The following TUBA1B variants were observed in gnomAD, a reference collection of about 807,000 sequenced individuals.
The protein encoded by TUBA1B is tubulin alpha 1b.
In TUBA1B, 1 loss-of-function variant was observed where a neutral mutation model predicts 34.4. The observed-to-expected ratio is 0.03, with a 90% CI of 0.01 to 0.14. The LOEUF is 0.14. Ranked by LOEUF, TUBA1B falls within the 10% of genes least tolerant of loss-of-function variation. TUBA1B has a pLI of 1.00. For synonymous variants in TUBA1B, 197 were observed against 212.5 expected, an observed-to-expected ratio of 0.93 and a Z score of 0.64; for missense variants, 54 against 583.6, an observed-to-expected ratio of 0.09 and a Z score of 9.35.
intron 3 of TUBA1B, 105 bp from the exon 4 acceptor site, chr12:49,129,043 A>C (rs1941772320): frequency 2.0e-6 from 3 of 1,520,128 alleles, no homozygotes; most frequent in East Asian, 4.7e-5. Context: ...TGATGTAAGC[A>C]CAAGGAATTG....
Position 49,131,302 on chromosome 12 carries a change from G to T in TUBA1B, c.-2C>A. The T allele has an allele frequency of 6.2e-7, 1 of 1,611,278 alleles. No individual in the cohort carries two copies. The highest frequency in any genetic ancestry group is 1.1e-5 in the South Asian group (1 of 90,472). On this transcript the variant is annotated 5_prime_UTR_variant, in exon 1 of 4. Coordinates refer to ENST00000336023, the MANE Select transcript of TUBA1B (RefSeq NM_006082.3). ...GGAGCCGCACGGCTTACTCACCATA[G>T]TGGCTAGGGATTAGGAGGCGAAGGC... is the stretch of plus-strand genomic sequence containing the variant.
intron 1 of TUBA1B, chr12:49,131,095 G>T (rs1941801835): frequency 1.8e-6 from 1 of 545,984 alleles, no homozygotes; most frequent in Non-Finnish European, 3.3e-6. Context: ...AAATCCTGGC[G>T]CCCCTCGACC....
rs1460772972 is a variant in TUBA1B, at chr12:49,129,244, G to A, written c.373C>T (p.Leu125=). The A allele has an allele frequency of 6.2e-7, 1 of 1,613,932 alleles. No homozygotes were observed. Among genetic ancestry groups the A allele is most frequent in the African/African-American group, 1.3e-5 (1 of 75,028 alleles). The change falls in exon 3 of 4, where the codon CTG becomes TTG. Residue 125 remains leucine, a splice_region_variant and synonymous_variant. Coordinates refer to ENST00000336023, the MANE Select transcript of TUBA1B (RefSeq NM_006082.3). ...GCATATTTATATGTGGTGCTTACCA[G>A]CTTGCGAATTCGGTCCAACACAAGG... The part of the protein sequence containing the change: ...IDLVLDRIRK[L]ADQCTGLQGF...
rs1941777269 is a variant in TUBA1B at position 49,129,516 on chromosome 12, C to CA, written c.209dup (p.Leu70PhefsTer7). 6.2e-7 allele frequency: 1 copy of CA among 1,614,080 alleles called. No homozygotes were observed. The highest frequency in any genetic ancestry group is 1.3e-5 in the African/African-American group (1 of 74,924). On this transcript the variant is annotated frameshift_variant, in exon 2 of 4. Coordinates refer to ENST00000336023, the MANE Select transcript of TUBA1B (RefSeq NM_006082.3). LOFTEE classifies it high-confidence loss of function. The stretch of plus-strand genomic sequence containing the variant: ...TCAACTCACCAATGACTGTGGGTTC[C>CA]AAGTCTACAAACACAGCCCGGGGCA...
rs371271978 is a variant in TUBA1B, at chr12:49,129,230, T to C, written c.375+12A>G. The C allele has an allele frequency of 3.6e-5, 58 of 1,613,508 alleles. No individual in the cohort carries two copies. The African/African-American group carries it at 6.9e-4, about 19-fold the overall frequency. On this transcript the variant is annotated intron_variant, in intron 3 of 3. Transcript: ENST00000336023. The stretch of plus-strand genomic sequence containing the variant: ...ACACCACATTAAATGCATATTTATA[T>C]GTGGTGCTTACCAGCTTGCGAATTC...
At chr12:49,130,264 C>T (rs1193953263) in intron 1 of TUBA1B, 1 of 1,288,968 alleles carries the variant, frequency 7.8e-7, no homozygotes, top group Non-Finnish European at 1.0e-6. Flanking sequence ...GGTCACATTT[C>T]CGGGCAGCTC....
chr12:49,130,014 C>T (rs1361072370), intron 1 of TUBA1B: 5 of 1,110,416 alleles, frequency 4.5e-6, no homozygotes, highest in Non-Finnish European at 4.8e-6. Flanking sequence ...AATCTGAAAA[C>T]GAATTTCCTT....
chr12:49,130,949 C>T (rs1941798965), intron 1 of TUBA1B: 4 of 221,270 alleles, frequency 1.8e-5, no homozygotes, highest in Non-Finnish European at 3.7e-5. Context: ...CCACCCAAGG[C>T]GGAGTAAGGG....
rs11546629 is a variant in TUBA1B, at chr12:49,129,522, T to A, written c.204A>T (p.Val68=). ...AGKHVPRAVF[V]DLEPTVIDEV... ...CACCAATGACTGTGGGTTCCAAGTCTACAAACACAGCCCGGGGCACGTGCT... is the reference window on the plus strand; with the variant it reads ...CACCAATGACTGTGGGTTCCAAGTCAACAAACACAGCCCGGGGCACGTGCT... The change falls in exon 2 of 4, where the codon GTA becomes GTT. Residue 68 remains valine (V), a synonymous_variant. Transcript: ENST00000336023. 6 of 1,614,112 alleles carry A rather than the reference T, an allele frequency of 3.7e-6. No individual in the cohort carries two copies. The highest frequency in any genetic ancestry group is 4.2e-6 in the Non-Finnish European group (5 of 1,180,048).
chr12:49,131,196 C>G, intron 1 of TUBA1B, 102 bp downstream of exon 1: 1 of 1,474,200 alleles, frequency 6.8e-7, no homozygotes, highest in Non-Finnish European at 9.2e-7. Context: ...ACGGACGGCT[C>G]TGAGGCCAGC....
At chr12:49,130,414 C>T (rs1185129263) in intron 1 of TUBA1B, 3 of 1,238,784 alleles carry the variant, frequency 2.4e-6, no homozygotes, top group Admixed American at 4.6e-5. Context: ...TGCAGAGGCA[C>T]GAAATGGCCA....
Position 49,127,830 on chromosome 12 carries a change from G to A in TUBA1B, c.*128C>T. 7.2e-7 allele frequency: 1 copy of A among 1,388,526 alleles called. No individual in the cohort carries two copies. The highest frequency in any genetic ancestry group is 9.9e-7 in the Non-Finnish European group (1 of 1,007,482). The allele number at this position is 1,388,526 out of a possible 1,614,324, so 86.0% of individuals were successfully genotyped here. ...TGAGATATGATGGAAAAATATTACAGGTACACATGGAAAAGACATGATCAC... is the reference window on the plus strand; with the variant it reads ...TGAGATATGATGGAAAAATATTACAAGTACACATGGAAAAGACATGATCAC... On this transcript the variant is annotated 3_prime_UTR_variant, in exon 4 of 4. Coordinates refer to ENST00000336023, the MANE Select transcript of TUBA1B (RefSeq NM_006082.3).
intron 1 of TUBA1B, chr12:49,130,353 C>T (rs1199496950): frequency 7.0e-6 from 9 of 1,289,084 alleles, no homozygotes; most frequent in Non-Finnish European, 9.1e-6. Flanking sequence ...CTCTGCGGCA[C>T]AGGATGAATG....
Position 49,131,314 on chromosome 12 carries a change from T to A in TUBA1B, c.-14A>T. 1 of 1,610,798 alleles carries A rather than the reference T, an allele frequency of 6.2e-7. No individual in the cohort carries two copies. Among genetic ancestry groups the A allele is most frequent in the Non-Finnish European group, 8.5e-7 (1 of 1,178,688 alleles). Reference sequence around the variant, plus strand: ...CTTACTCACCATAGTGGCTAGGGATTAGGAGGCGAAGGCGACAGGAGCAGA... The same window carrying A: ...CTTACTCACCATAGTGGCTAGGGATAAGGAGGCGAAGGCGACAGGAGCAGA... On this transcript the variant is annotated 5_prime_UTR_variant, in exon 1 of 4. Transcript: ENST00000336023.
At chr12:49,129,121 T>C (rs1941773274) in intron 3 of TUBA1B, 121 bp downstream of exon 3, 2 of 1,580,322 alleles carry the variant, frequency 1.3e-6, no homozygotes, top group African/African-American at 1.3e-5. Context: ...CCAATTAATA[T>C]AGCAAGCAGC....
At chr12:49,131,259 C>A (rs1421200977) in intron 1 of TUBA1B, 39 bp downstream of exon 1, 1 of 1,599,620 alleles carries the variant, frequency 6.3e-7, no homozygotes, top group Admixed American at 1.7e-5. Context: ...CTTTTCCCTG[C>A]TTCCCTGAAA....
chr12:49,131,316 G>T lies in TUBA1B; in HGVS notation c.-16C>A. 1 of 1,610,882 alleles carries T rather than the reference G, an allele frequency of 6.2e-7. No individual in the cohort carries two copies. ...TACTCACCATAGTGGCTAGGGATTA[G>T]GAGGCGAAGGCGACAGGAGCAGACA... On this transcript the variant is annotated 5_prime_UTR_variant, in exon 1 of 4. Transcript: ENST00000336023.
At chr12:49,131,160 CT>C in intron 1 of TUBA1B, 137 bp downstream of exon 1, 1 of 1,141,728 alleles carries the variant, frequency 8.8e-7, no homozygotes, top group Non-Finnish European at 1.3e-6. Context: ...CCGCCCTGGC[CT>C]CTCGCCTCGT....
chr12:49,130,309 A>G (rs1397709397), intron 1 of TUBA1B: 1 of 1,289,202 alleles, frequency 7.8e-7, no homozygotes, highest in Admixed American at 2.3e-5. Flanking sequence ...ACCAGCGCAG[A>G]AGAAATGTCT....
Sources: gnomAD v4.1 joint callset for allele counts on GRCh38, gnomAD v4.1.1 for gene constraint, MANE v1.5 for transcripts, NCBI Gene and HGNC (gene_info 2026-07-23, HGNC 2026-07-21) for gene names.